Variants in FXR2 observed in about 807,000 individuals in gnomAD.
The protein encoded by FXR2 is RNA-binding protein FXR2.
A neutral mutation model predicts 87.3 loss-of-function variants in FXR2; 9 were observed. The observed-to-expected ratio is 0.10, with a 90% CI of 0.06 to 0.18. The LOEUF is 0.18. Ranked by LOEUF, FXR2 falls within the 10% of genes least tolerant of loss-of-function variation. The probability of loss-of-function intolerance (pLI) is 1.00; values close to 1 mark genes in which losing one functional copy is unlikely to be tolerated. For missense variants in FXR2, 661 were observed against 893.6 expected (o/e 0.74, Z 3.32); for synonymous variants, 331 against 328.3 (o/e 1.01, Z -0.09).
At chr17:7,599,873 C>CA (rs557331633) in intron 7 of FXR2, among the ~76,000 whole-genome samples, 24 of 152,124 alleles carry the variant, frequency 1.6e-4, no homozygotes, top group Middle Eastern at 3.4e-3. Context: ...GACGCTATCT[C>CA]AAAAAACAAA....
chr17:7,596,031 G>A (rs16956822), intron 7 of FXR2, 37 bp from the exon 8 acceptor site: 70,817 of 1,513,412 alleles, frequency 0.047, 4,507 homozygotes, highest in Admixed American at 0.28. Context: ...CATGGTGGTA[G>A]AATCTCACAG....
intron 1 of FXR2, among the ~76,000 whole-genome samples, chr17:7,611,173 C>T (rs1184253227): frequency 1.3e-5 from 2 of 151,978 alleles, no homozygotes; most frequent in East Asian, 1.9e-4. Context: ...CCATTTTGTA[C>T]GTCTTAAGCC....
chr17:7,601,383 C>T, intron 7 of FXR2, 26 bp downstream of exon 7: 2 of 1,214,440 alleles, frequency 1.6e-6, no homozygotes, highest in Admixed American at 1.7e-5. Flanking sequence ...TACCCTTCAG[C>T]AGAAGGAAAA....
rs988613815 is a variant in FXR2 at position 7,591,888 on chromosome 17, T to C, written c.1964A>G (p.Glu655Gly). 8.7e-6 allele frequency: 14 copies of C among 1,606,600 alleles called. No homozygotes were observed. The highest frequency in any genetic ancestry group is 4.0e-5 in the African/African-American group (3 of 74,712). ...SVSKLPKGPS[E>G]NGELSAPLEL... ...CAAGGGGGCGGAGAGCTCCCCATTCTCCGAGGGGCCCTTAGGAAGCTTGCT... is the reference window on the plus strand; with the variant it reads ...CAAGGGGGCGGAGAGCTCCCCATTCCCCGAGGGGCCCTTAGGAAGCTTGCT... Residue 655 changes from glutamate (E) to glycine (G), a missense_variant, in exon 17 of 17, where the codon GAG becomes GGG. Glu to Gly is a moderately conservative substitution (Grantham distance 98, BLOSUM62 -2). Coordinates refer to ENST00000250113, the MANE Select transcript of FXR2 (RefSeq NM_004860.4). The surrounding 1 kb of genome is among the most constrained non-coding windows in gnomAD (Gnocchi z 4.0).
In FXR2 at chr17:7,603,002, G is replaced by C; in HGVS notation, c.450C>G (p.Ala150=). The change falls in exon 6 of 17, where the codon GCC becomes GCG. Residue 150 remains alanine (A), a splice_region_variant and synonymous_variant. Coordinates refer to ENST00000250113, the MANE Select transcript of FXR2 (RefSeq NM_004860.4). The part of the protein sequence containing the change: ...TMAVPEDLRE[A]CSNENVHKEF... ...CTTTATGGACGTTTTCATTGGAGCA[G>C]CTGCAGAGGAAAAAAGTACTCAGCG... 6.5e-7 allele frequency: 1 copy of C among 1,536,192 alleles called. No homozygotes were observed. Among genetic ancestry groups the C allele is most frequent in the Non-Finnish European group, 9.0e-7 (1 of 1,113,354 alleles).
chr17:7,593,629 G>C lies in FXR2; in HGVS notation c.1108-4C>G. Reference sequence around the variant, plus strand: ...CCAAGCGAAGCTGCTCTACCTCCTGGTTGGGTAAAAGATGGAAGAAGGGGA... The same window carrying C: ...CCAAGCGAAGCTGCTCTACCTCCTGCTTGGGTAAAAGATGGAAGAAGGGGA... On this transcript the variant is annotated splice_polypyrimidine_tract_variant and splice_region_variant and intron_variant, in intron 11 of 16. Coordinates refer to ENST00000250113, the MANE Select transcript of FXR2 (RefSeq NM_004860.4). This position sits in a 1 kb window ranked among gnomAD's most constrained non-coding sequence, Gnocchi z 6.1. 6.4e-7 allele frequency: 1 copy of C among 1,570,992 alleles called. No individual in the cohort carries two copies. Among genetic ancestry groups the C allele is most frequent in the Non-Finnish European group, 8.6e-7 (1 of 1,157,400 alleles).
chr17:7,597,508 A>G (rs2071717402), intron 7 of FXR2, among the ~76,000 whole-genome samples: 2 of 149,282 alleles, frequency 1.3e-5, no homozygotes, highest in South Asian at 4.2e-4. Flanking sequence ...TTTTTTTGAG[A>G]TGGGGTCTGT....
At chr17:7,604,192 G>C in intron 3 of FXR2, 112 bp from the exon 4 acceptor site, 1 of 785,618 alleles carries the variant, frequency 1.3e-6, no homozygotes, top group Admixed American at 2.2e-5. Flanking sequence ...AGCGCTTTGG[G>C]AGGCTGAGGC....
chr17:7,614,165 T>G, intron 1 of FXR2: 1 of 640,688 alleles, frequency 1.6e-6, no homozygotes. Context: ...GGTAAAGGGG[T>G]CTCTCCTGCG....
At position 7,594,023 on chromosome 17, in the gene FXR2, A is replaced by G. The variant is rs1453601771; in HGVS notation, c.1021-19T>C. Reference sequence around the variant, plus strand: ...CCATTCCCTAGAGAACAGAGAGCAGAAACGATGGATCAGAAAGGAAAATGA... The same window carrying G: ...CCATTCCCTAGAGAACAGAGAGCAGGAACGATGGATCAGAAAGGAAAATGA... On this transcript the variant is annotated intron_variant, in intron 10 of 16. Transcript: ENST00000250113. This position sits in a 1 kb window ranked among gnomAD's most constrained non-coding sequence, Gnocchi z 5.1. 9 of 1,485,170 alleles carry G rather than the reference A, an allele frequency of 6.1e-6. No homozygotes were observed. The highest frequency in any genetic ancestry group is 8.5e-6 in the Non-Finnish European group (9 of 1,062,092). The allele number at this position is 1,485,170 out of a possible 1,614,324, so 92.0% of individuals were successfully genotyped here. A position where few individuals can be genotyped will look rare whatever the true frequency, so the allele number is the denominator to read the frequency against.
intron 1 of FXR2, among the ~76,000 whole-genome samples, chr17:7,607,627 C>T (rs974379867): frequency 3.3e-5 from 5 of 151,892 alleles, no homozygotes; most frequent in Admixed American, 6.6e-5. Context: ...CGGGGTTTCA[C>T]CATCTTGGCC....
At chr17:7,597,999 C>T (rs1300711211) in intron 7 of FXR2, among the ~76,000 whole-genome samples, 2 of 150,766 alleles carry the variant, frequency 1.3e-5, no homozygotes, top group Non-Finnish European at 3.0e-5. Context: ...CCTGTCAGTC[C>T]TACTGGTTTT....
chr17:7,599,285 A>G (rs2071733952), intron 7 of FXR2, among the ~76,000 whole-genome samples: 1 of 152,202 alleles, frequency 6.6e-6, no homozygotes, highest in Non-Finnish European at 1.5e-5. Context: ...CCTGGATAAC[A>G]GACTGAGACT....
At chr17:7,608,907 T>G (rs1433342267) in intron 1 of FXR2, among the ~76,000 whole-genome samples, 1 of 152,150 alleles carries the variant, frequency 6.6e-6, no homozygotes, top group African/African-American at 2.4e-5. Context: ...TTTAAAAAAA[T>G]TAGAGAGCCC....
intron 6 of FXR2, among the ~76,000 whole-genome samples, chr17:7,601,814 C>T (rs1212897647): frequency 6.6e-6 from 1 of 152,050 alleles, no homozygotes; most frequent in African/African-American, 2.4e-5. Flanking sequence ...ATAATCCCAG[C>T]TACTCCAGAG....
At chr17:7,611,684 A>G (rs1327419826) in intron 1 of FXR2, among the ~76,000 whole-genome samples, 3 of 152,028 alleles carry the variant, frequency 2.0e-5, no homozygotes, top group Non-Finnish European at 4.4e-5. Flanking sequence ...AAAAAAAAGG[A>G]AAAGAAAGAA....
Position 7,595,496 on chromosome 17 carries a change from C to CT in FXR2, c.831+327dup, listed in dbSNP as rs2071700399. Among the ~76,000 whole-genome samples the CT allele has an allele frequency of 9.5e-6, 1 of 105,780 alleles. No individual in the cohort carries two copies. The highest frequency in any genetic ancestry group is 3.0e-4 in the South Asian group (1 of 3,374). 69.4% of individuals were successfully genotyped at this position (105,780 alleles called of 152,430 possible). The stretch of plus-strand genomic sequence containing the variant: ...TTTTTTTGGGGGGTAAAGACAGGGT[C>CT]TCTCTATGTTGTCCAGGTTGTTCTC... On this transcript the variant is annotated intron_variant, in intron 8 of 16. Coordinates refer to ENST00000250113, the MANE Select transcript of FXR2 (RefSeq NM_004860.4). The surrounding 1 kb of genome is among the most constrained non-coding windows in gnomAD (Gnocchi z 4.7).
intron 1 of FXR2, among the ~76,000 whole-genome samples, chr17:7,612,100 C>G (rs2071869728): frequency 6.6e-6 from 1 of 152,292 alleles, no homozygotes; most frequent in African/African-American, 2.4e-5. Context: ...ATATGTGGGA[C>G]AGAAAACGTG....
chr17:7,609,575 A>G (rs1401403256), intron 1 of FXR2, among the ~76,000 whole-genome samples: 1 of 152,082 alleles, frequency 6.6e-6, no homozygotes, highest in Non-Finnish European at 1.5e-5. Flanking sequence ...CTTTTTCAAA[A>G]AGAACCTGAG....
Sources: allele counts gnomAD v4.1 joint callset (sites outside exome capture counted in the v4.1 genomes callset), GRCh38; gene constraint gnomAD v4.1.1; non-coding constraint Gnocchi (gnomAD v3.1); transcripts MANE v1.5; gene names NCBI Gene and HGNC (gene_info 2026-07-23, HGNC 2026-07-21).